The following MOK variants were observed in gnomAD, a reference collection of about 807,000 sequenced individuals.
The protein encoded by MOK is MAPK/MAK/MRK overlapping kinase.
In MOK, 59 loss-of-function variants were observed where a neutral mutation model predicts 54.2. That is an observed-to-expected ratio of 1.09 (90% confidence interval 0.88 to 1.35). The LOEUF (loss-of-function observed/expected upper bound fraction) is 1.35. Ranked by LOEUF, MOK falls within the 40% of genes most tolerant of loss-of-function variation. The pLI, the probability that MOK is intolerant of heterozygous loss-of-function variation, is 0.00. For missense variants in MOK, 517 were observed against 526.2 expected, an observed-to-expected ratio of 0.98 and a Z score of 0.17; for synonymous variants, 210 against 202.7, an observed-to-expected ratio of 1.04 and a Z score of -0.31.
intron 4 of MOK, among the ~76,000 whole-genome samples, chr14:102,254,750 T>G (rs2066795169): frequency 6.6e-6 from 1 of 152,176 alleles, no homozygotes; most frequent in South Asian, 2.1e-4. Flanking sequence ...GCTACTAGTC[T>G]TGGGTCCTCG....
rs2065194231 is a variant in MOK at position 102,236,059 on chromosome 14, CAA to C, written c.591-2272_591-2271del. On this transcript the variant is annotated intron_variant, in intron 7 of 11. Transcript: ENST00000361847. The surrounding 1 kb of genome is among the most constrained non-coding windows in gnomAD (Gnocchi z 4.5). ...TGGGTGTATCCTAACCCTTGAGTGC[CAA>C]AGAGTCCTTGTCCAGTGTGCCAGCA... 1.3e-5 allele frequency among the ~76,000 whole-genome samples: 2 copies of C among 152,172 alleles called. No individual in the cohort carries two copies. The highest frequency in any genetic ancestry group is 2.1e-4 in the South Asian group (1 of 4,828).
intron 7 of MOK, chr14:102,234,160 T>C (rs1169030821): frequency 1.5e-5 from 3 of 204,616 alleles, no homozygotes; most frequent in Non-Finnish European, 3.0e-5. Flanking sequence ...TTCTCTCGGA[T>C]GACCTAACAT....
Position 102,250,838 on chromosome 14 carries a change from G to A in MOK, c.564C>T (p.Ala188=), listed in dbSNP as rs767022574. The A allele has an allele frequency of 8.1e-6, 13 of 1,613,798 alleles. No individual in the cohort carries two copies. Among genetic ancestry groups the A allele is most frequent in the Middle Eastern group, 3.3e-4 (2 of 6,076 alleles). ...TGGCGATCTCGTAGAACACACAGCC[G>A]GCGCTCCACAGGTCCATCTTGTACG... The part of the protein sequence containing the change: ...FYTYKMDLWS[A]GCVFYEIASL... Residue 188 remains alanine (A), a synonymous_variant, in exon 7 of 12, where the codon GCC becomes GCT. Coordinates refer to ENST00000361847, the MANE Select transcript of MOK (RefSeq NM_014226.3).
At chr14:102,254,562 C>T (rs927557615) in intron 4 of MOK, among the ~76,000 whole-genome samples, 3 of 152,268 alleles carry the variant, frequency 2.0e-5, no homozygotes, top group African/African-American at 7.2e-5. Context: ...TCACTGCTCC[C>T]GACTTACCCC....
At chr14:102,300,520 G>T (rs2072069257) in intron 1 of MOK, among the ~76,000 whole-genome samples, 3 of 152,124 alleles carry the variant, frequency 2.0e-5, no homozygotes, top group Admixed American at 2.0e-4. Flanking sequence ...CAGCACTCCA[G>T]CCTGGGCAAC....
rs75605009 is a variant in MOK, at chr14:102,281,742, G to A, written c.122+1736C>T. On this transcript the variant is annotated intron_variant, in intron 2 of 11. Coordinates refer to ENST00000361847, the MANE Select transcript of MOK (RefSeq NM_014226.3). The stretch of plus-strand genomic sequence containing the variant: ...TTTCAGGTGTGAGCCACAGCACCCA[G>A]CTGTCTGCTCTTTAGATACGGGATA... Among the ~76,000 whole-genome samples, 1,089 of 152,134 alleles carry A rather than the reference G, an allele frequency of 7.2e-3. 7 individuals carry two copies. The highest frequency in any genetic ancestry group is 0.012 in the Non-Finnish European group (785 of 68,004).
chr14:102,257,716 C>T (rs2067078701), intron 4 of MOK, among the ~76,000 whole-genome samples: 1 of 152,202 alleles, frequency 6.6e-6, no homozygotes, highest in African/African-American at 2.4e-5. Context: ...CAGTGGCTCA[C>T]GCCTGTAATC....
chr14:102,224,700 A>AGAC, downstream of MOK: 1 of 456,022 alleles, frequency 2.2e-6, no homozygotes, highest in Non-Finnish European at 4.4e-6. Flanking sequence ...TCTTCGGAGG[A>AGAC]GACATTAGTT....
intron 1 of MOK, among the ~76,000 whole-genome samples, chr14:102,299,285 G>T (rs970582376): frequency 6.6e-6 from 1 of 152,164 alleles, no homozygotes; most frequent in Non-Finnish European, 1.5e-5. Flanking sequence ...AGGCCGAGGC[G>T]GGCAGATCAC....
At chr14:102,304,931 A>G in intron 1 of MOK, 31 bp downstream of exon 1, 1 of 1,196,776 alleles carries the variant, frequency 8.4e-7, no homozygotes, top group Admixed American at 2.9e-5. Flanking sequence ...CTCGCTCTCC[A>G]GTCCCTGCCC....
chr14:102,275,296 G>A (rs775044457), intron 2 of MOK, among the ~76,000 whole-genome samples: 35 of 152,124 alleles, frequency 2.3e-4, no homozygotes, highest in Admixed American at 9.2e-4. Context: ...CGGGCACGGC[G>A]GCTCACGCCT....
intron 1 of MOK, among the ~76,000 whole-genome samples, chr14:102,291,408 C>T (rs1048960729): frequency 6.6e-6 from 1 of 152,128 alleles, no homozygotes; most frequent in Non-Finnish European, 1.5e-5. Context: ...CTTGAGGAGC[C>T]TCCAAACTTG....
At chr14:102,225,892 T>G, downstream of MOK, 4 of 185,444 alleles carry the variant, frequency 2.2e-5, no homozygotes, top group Middle Eastern at 2.4e-3. Flanking sequence ...CCTGGTACGA[T>G]TTGGGTTTGC....
At chr14:102,260,371 C>A (rs891989217) in intron 4 of MOK, among the ~76,000 whole-genome samples, 1 of 151,832 alleles carries the variant, frequency 6.6e-6, no homozygotes, top group African/African-American at 2.4e-5. Context: ...ACCGTATCTG[C>A]CTGACAGGGT....
downstream of MOK, chr14:102,225,003 G>A: frequency 2.9e-6 from 1 of 344,898 alleles, no homozygotes; most frequent in Non-Finnish European, 5.6e-6. Flanking sequence ...GCCCAAAACA[G>A]CTACAGTGAA....
chr14:102,294,145 C>CA (rs1221022926), intron 1 of MOK, among the ~76,000 whole-genome samples: 6 of 150,498 alleles, frequency 4.0e-5, no homozygotes, highest in Non-Finnish European at 8.8e-5. Context: ...ACCAAAAATA[C>CA]AAAAAAATTA....
chr14:102,224,571 A>C, downstream of MOK: 1 of 456,082 alleles, frequency 2.2e-6, no homozygotes, highest in Non-Finnish European at 4.4e-6. Flanking sequence ...AATTCATCAC[A>C]TTAAATTGGG....
chr14:102,229,198 G>C lies in MOK; in HGVS notation c.*91C>G. 7.4e-7 allele frequency: 1 copy of C among 1,351,024 alleles called. No homozygotes were observed. The highest frequency in any genetic ancestry group is 2.3e-5 in the Admixed American group (1 of 44,114). 83.7% of individuals were successfully genotyped at this position (1,351,024 alleles called of 1,614,324 possible). On this transcript the variant is annotated 3_prime_UTR_variant, in exon 12 of 12. Transcript: ENST00000361847. The stretch of plus-strand genomic sequence containing the variant: ...CGAAACGGACGCAGGCGCATCCCCA[G>C]CCCTCCGTGGCGTCTCAGCAGCAGA...
chr14:102,267,297 C>T (rs913277221), intron 2 of MOK, among the ~76,000 whole-genome samples: 1 of 152,116 alleles, frequency 6.6e-6, no homozygotes, highest in Middle Eastern at 3.2e-3. Context: ...CAGGCGTGGT[C>T]GCTCATGCCT....
Sources: allele counts gnomAD v4.1 joint callset (sites outside exome capture counted in the v4.1 genomes callset), GRCh38; gene constraint gnomAD v4.1.1; non-coding constraint Gnocchi (gnomAD v3.1); transcripts MANE v1.5; gene names NCBI Gene and HGNC (gene_info 2026-07-23, HGNC 2026-07-21).